The following SGCZ variants were observed in gnomAD, a reference collection of about 807,000 sequenced individuals.
SGCZ encodes the protein zeta-sarcoglycan.
In SGCZ, 40 loss-of-function variants were observed where a neutral mutation model predicts 41.3. The observed-to-expected ratio is 0.97, with a 90% CI of 0.75 to 1.26. The LOEUF (loss-of-function observed/expected upper bound fraction) is 1.26. Among genes scored for constraint, SGCZ ranks in the 50% most tolerant of loss-of-function variants. The pLI, the probability that SGCZ is intolerant of heterozygous loss-of-function variation, is 0.00. For synonymous variants in SGCZ, 206 were observed against 137.5 expected (o/e 1.50, Z -3.49); for missense variants, 552 against 369.8 (o/e 1.49, Z -4.04).
intron 5 of SGCZ, among the ~76,000 whole-genome samples, chr8:14,112,725 A>T (rs2117015238): frequency 6.6e-6 from 1 of 152,238 alleles, no homozygotes; most frequent in East Asian, 1.9e-4. Flanking sequence ...TGTAAAATTA[A>T]AAACCAGATC....
At chr8:15,107,423 G>A (rs1806873849) in intron 1 of SGCZ, among the ~76,000 whole-genome samples, 1 of 152,084 alleles carries the variant, frequency 6.6e-6, no homozygotes, top group Non-Finnish European at 1.5e-5. Context: ...CAGGGTGAGA[G>A]GATTCTTCCT....
intron 1 of SGCZ, among the ~76,000 whole-genome samples, chr8:14,793,819 T>C (rs1585265353): frequency 6.6e-6 from 1 of 152,284 alleles, no homozygotes; most frequent in East Asian, 1.9e-4. Context: ...AGAGATTTTC[T>C]ATTTGAAAGA....
intron 1 of SGCZ, among the ~76,000 whole-genome samples, chr8:14,561,259 G>C (rs1170343485): frequency 6.6e-6 from 1 of 151,906 alleles, no homozygotes; most frequent in African/African-American, 2.4e-5. Context: ...GTTTTCTTTG[G>C]CATTATGAAA....
chr8:14,647,388 A>T (rs1807256511), intron 1 of SGCZ, among the ~76,000 whole-genome samples: 1 of 152,052 alleles, frequency 6.6e-6, no homozygotes, highest in Non-Finnish European at 1.5e-5. Context: ...AAAAGTTATA[A>T]ATAGGAAGAA....
chr8:14,405,155 T>C (rs551239247), intron 2 of SGCZ, among the ~76,000 whole-genome samples: 2 of 152,332 alleles, frequency 1.3e-5, no homozygotes, highest in Admixed American at 6.5e-5. Flanking sequence ...AATTGCCTTA[T>C]CACCTTCTAA....
At chr8:14,294,076 T>G (rs530347832) in intron 3 of SGCZ, among the ~76,000 whole-genome samples, 3 of 151,898 alleles carry the variant, frequency 2.0e-5, no homozygotes, top group Non-Finnish European at 4.4e-5. Flanking sequence ...CTGTAGCCAA[T>G]TATAATATAT....
At chr8:14,231,160 A>AGCGTGTGT (rs141922150) in intron 4 of SGCZ, among the ~76,000 whole-genome samples, 1 of 112,036 alleles carries the variant, frequency 8.9e-6, no homozygotes, top group African/African-American at 3.6e-5. Flanking sequence ...TCTTTGGGCA[A>AGCGTGTGT]GTGTGTGTGT....
At position 14,241,874 on chromosome 8, in the gene SGCZ, ATT is replaced by A. The variant is rs1193117984; in HGVS notation, c.337-4197_337-4196del. Among the ~76,000 whole-genome samples the A allele has an allele frequency of 6.6e-5, 10 of 152,058 alleles. No homozygotes were observed. The East Asian group carries it at 1.9e-3, about 29-fold the overall frequency. On this transcript the variant is annotated intron_variant, in intron 3 of 7. Transcript: ENST00000382080. ...TGAAATATGTTCTTCTCATTTTAAT[ATT>A]TTTTTCTGATAGGCTATGCATATGA...
chr8:14,514,360 A>G (rs954022124), intron 2 of SGCZ, among the ~76,000 whole-genome samples: 3 of 152,200 alleles, frequency 2.0e-5, no homozygotes, highest in African/African-American at 7.2e-5. Context: ...CTTGAATAAC[A>G]AACTACTTAA....
At chr8:15,228,692 T>C (rs1336715414) in intron 1 of SGCZ, among the ~76,000 whole-genome samples, 2 of 152,178 alleles carry the variant, frequency 1.3e-5, no homozygotes, top group African/African-American at 4.8e-5. Flanking sequence ...AAAATAATCA[T>C]TTAAGACAGA....
intron 1 of SGCZ, among the ~76,000 whole-genome samples, chr8:14,805,823 G>C (rs550111497): frequency 2.7e-4 from 41 of 151,578 alleles, no homozygotes; most frequent in South Asian, 1.3e-3. Flanking sequence ...TGACCACATA[G>C]TTGGAAGTAA....
chr8:14,853,599 A>C (rs745682597), intron 1 of SGCZ: 4 of 424,270 alleles, frequency 9.4e-6, no homozygotes, highest in Non-Finnish European at 2.0e-5. Context: ...AAATTCAGTC[A>C]CTGAAGTGGT....
Position 14,652,594 on chromosome 8 carries a change from G to A in SGCZ, c.40-97668C>T, listed in dbSNP as rs960945427. On this transcript the variant is annotated intron_variant, in intron 1 of 7. Coordinates refer to ENST00000382080, the MANE Select transcript of SGCZ (RefSeq NM_139167.4). ...AGCCCAGTAAGCATATGAAGGCTCT[G>A]CTAAAATCTGTTTCCCACATAGGAA... Among the ~76,000 whole-genome samples, 5 of 152,082 alleles carry A rather than the reference G, an allele frequency of 3.3e-5. 1 individual carries two copies. In the East Asian group the frequency reaches 9.7e-4, roughly 29 times the overall value.
chr8:14,767,027 A>C (rs1202008066), intron 1 of SGCZ, among the ~76,000 whole-genome samples: 1 of 152,062 alleles, frequency 6.6e-6, no homozygotes, highest in Non-Finnish European at 1.5e-5. Context: ...CTTAACAGTT[A>C]GATGTCTACA....
chr8:14,409,644 A>G (rs1799307413), intron 2 of SGCZ, among the ~76,000 whole-genome samples: 1 of 152,172 alleles, frequency 6.6e-6, no homozygotes, highest in African/African-American at 2.4e-5. Context: ...CACTCCTGCT[A>G]TTACATGTCA....
rs181716375 is a variant in SGCZ at position 14,676,744 on chromosome 8, G to T, written c.40-121818C>A. Among the ~76,000 whole-genome samples the T allele has an allele frequency of 2.9e-3, 443 of 152,234 alleles. 3 individuals are homozygous for T. Among genetic ancestry groups the T allele is most frequent in the Admixed American group, 9.0e-3 (138 of 15,298 alleles). On this transcript the variant is annotated intron_variant, in intron 1 of 7. Transcript: ENST00000382080. ...TGATCATATCAACAGATGCAGAAAA[G>T]AATCTGATAAAATCCAACACCTGTT...
intron 1 of SGCZ, among the ~76,000 whole-genome samples, chr8:14,850,221 A>G (rs570948432): frequency 7.2e-4 from 109 of 152,322 alleles, no homozygotes; most frequent in African/African-American, 2.5e-3. Context: ...TTTCATTCAA[A>G]TGTTCATTCA....
At chr8:14,852,988 T>TATATCA (rs1803389883) in intron 1 of SGCZ, among the ~76,000 whole-genome samples, 1 of 152,188 alleles carries the variant, frequency 6.6e-6, no homozygotes, top group Non-Finnish European at 1.5e-5. Flanking sequence ...ATACTGCTGA[T>TATATCA]GAGGCAGCCA....
intron 1 of SGCZ, among the ~76,000 whole-genome samples, chr8:14,639,128 C>T (rs1806935223): frequency 6.8e-6 from 1 of 147,692 alleles, no homozygotes; most frequent in Non-Finnish European, 1.5e-5. Flanking sequence ...CTCACTGTAA[C>T]CTTGCCTCCC....
Sources: gnomAD v4.1 joint callset for allele counts (sites outside exome capture counted in the v4.1 genomes callset) on GRCh38, gnomAD v4.1.1 for gene constraint, MANE v1.5 for transcripts, NCBI Gene and HGNC (gene_info 2026-07-23, HGNC 2026-07-21) for gene names.